The following TRAPPC9 variants were observed in gnomAD, a reference collection of about 807,000 sequenced individuals.
TRAPPC9 encodes IKK2 binding protein.
In TRAPPC9, 83 loss-of-function variants were observed where a neutral mutation model predicts 124.0. The ratio of observed to expected loss-of-function variants is 0.67; its 90% confidence interval spans 0.56 to 0.80. TRAPPC9 has a LOEUF of 0.80. Among genes scored for constraint, TRAPPC9 ranks in the 30% least tolerant of loss-of-function variants. The probability of loss-of-function intolerance (pLI) is 0.00; values close to 1 mark genes in which losing one functional copy is unlikely to be tolerated. For synonymous variants in TRAPPC9, 638 were observed against 617.5 expected (o/e 1.03, Z -0.49); for missense variants, 1,302 against 1,508.3 (o/e 0.86, Z 2.27).
chr8:139,942,227 C>T (rs755614947), intron 19 of TRAPPC9, among the ~76,000 whole-genome samples: 34 of 152,314 alleles, frequency 2.2e-4, no homozygotes, highest in African/African-American at 3.6e-4. Flanking sequence ...ATGACATCTC[C>T]GCCTGCTGAG....
rs1317104952 is a variant in TRAPPC9, at chr8:140,252,267, C to G, written c.2431+510G>C. ...TCTGAAAGTCCTGGCCTCAGGTGAT[C>G]CGCCCGCCCTGGCCTCCCAGAGTGC... On this transcript the variant is annotated intron_variant, in intron 16 of 22. Coordinates refer to ENST00000438773, the MANE Select transcript of TRAPPC9 (RefSeq NM_001160372.4). This position sits in a 1 kb window ranked among gnomAD's most constrained non-coding sequence, Gnocchi z 4.2. Among the ~76,000 whole-genome samples, 2 of 152,132 alleles carry G rather than the reference C, an allele frequency of 1.3e-5. No homozygotes were observed. The highest frequency in any genetic ancestry group is 4.8e-5 in the African/African-American group (2 of 41,438).
chr8:139,992,561 C>A (rs192017924), intron 18 of TRAPPC9, among the ~76,000 whole-genome samples: 1 of 151,444 alleles, frequency 6.6e-6, no homozygotes, highest in East Asian at 1.9e-4. Context: ...TTCCAAATTT[C>A]TATAAACTCA....
At chr8:139,739,210 G>C (rs918739555) in intron 21 of TRAPPC9, among the ~76,000 whole-genome samples, 1 of 152,048 alleles carries the variant, frequency 6.6e-6, no homozygotes, top group Non-Finnish European at 1.5e-5. Context: ...AGCAGCTCAA[G>C]CTGGGTCCTC....
intron 16 of TRAPPC9, among the ~76,000 whole-genome samples, chr8:140,234,201 G>A (rs1450403372): frequency 6.6e-6 from 1 of 152,106 alleles, no homozygotes; most frequent in Non-Finnish European, 1.5e-5. Context: ...ACACACGCGA[G>A]GCATCTAGGT....
chr8:140,120,960 T>C (rs1213962186), intron 17 of TRAPPC9, among the ~76,000 whole-genome samples: 2 of 152,248 alleles, frequency 1.3e-5, no homozygotes, highest in Non-Finnish European at 2.9e-5. Flanking sequence ...CAACCATCCA[T>C]CCACCCTTTC....
chr8:140,124,708 G>T (rs2061051870), intron 17 of TRAPPC9, among the ~76,000 whole-genome samples: 1 of 152,172 alleles, frequency 6.6e-6, no homozygotes, highest in South Asian at 2.1e-4. Flanking sequence ...CCTCGCGGGG[G>T]AGGACCCTCC....
intron 21 of TRAPPC9, among the ~76,000 whole-genome samples, chr8:139,797,245 A>G (rs1823163736): frequency 6.6e-6 from 1 of 152,036 alleles, no homozygotes; most frequent in African/African-American, 2.4e-5. Flanking sequence ...ACATGTTTTT[A>G]ATTTTGATGA....
At chr8:139,739,038 A>G (rs1818387228) in intron 21 of TRAPPC9, among the ~76,000 whole-genome samples, 1 of 152,098 alleles carries the variant, frequency 6.6e-6, no homozygotes, top group Non-Finnish European at 1.5e-5. Context: ...AGATCACATC[A>G]TTCATTTATC....
intron 17 of TRAPPC9, among the ~76,000 whole-genome samples, chr8:140,090,066 G>A (rs530634143): frequency 5.3e-5 from 8 of 151,900 alleles, no homozygotes; most frequent in South Asian, 2.1e-4. Flanking sequence ...GCGACAGAGC[G>A]AGACTCTGTC....
intron 9 of TRAPPC9, among the ~76,000 whole-genome samples, chr8:140,330,471 T>C (rs2066867712): frequency 6.6e-6 from 1 of 152,214 alleles, no homozygotes; most frequent in Non-Finnish European, 1.5e-5. Flanking sequence ...TAATTTTTCA[T>C]ATTTGCTAGT....
intron 17 of TRAPPC9, among the ~76,000 whole-genome samples, chr8:140,174,253 G>T (rs1426953091): frequency 6.6e-6 from 1 of 152,086 alleles, no homozygotes; most frequent in Non-Finnish European, 1.5e-5. Flanking sequence ...GAGAGAAGCA[G>T]GAAATATGAC....
chr8:139,786,587 T>C (rs931910312), intron 21 of TRAPPC9, among the ~76,000 whole-genome samples: 4 of 152,122 alleles, frequency 2.6e-5, no homozygotes, highest in Admixed American at 2.6e-4. Flanking sequence ...AAAGCACACG[T>C]CCACACAAAG....
chr8:139,800,428 A>T (rs1823408275), intron 21 of TRAPPC9, among the ~76,000 whole-genome samples: 1 of 152,238 alleles, frequency 6.6e-6, no homozygotes, highest in South Asian at 2.1e-4. Flanking sequence ...GGCCAAGAGC[A>T]GGGTTTCTGG....
intron 19 of TRAPPC9, among the ~76,000 whole-genome samples, chr8:139,943,096 T>C (rs1834010735): frequency 1.3e-5 from 2 of 152,212 alleles, no homozygotes; most frequent in Admixed American, 1.3e-4. Flanking sequence ...AGACAGAGTC[T>C]CATTCTGCCA....
At position 139,746,293 on chromosome 8, in the gene TRAPPC9, C is replaced by A. The variant is rs148247276; in HGVS notation, c.3056-14091G>T. ...TTCCTCCTGGGCACAGACTGCAGCC[C>A]CTCTCCAAGGGAGTGAGTTGGAAAC... is the stretch of plus-strand genomic sequence containing the variant. On this transcript the variant is annotated intron_variant, in intron 21 of 22. Transcript: ENST00000438773. Among the ~76,000 whole-genome samples the A allele has an allele frequency of 3.7e-3, 560 of 152,290 alleles. 9 individuals carry two copies. The highest frequency in any genetic ancestry group is 0.012 in the African/African-American group (500 of 41,558).
At chr8:139,973,309 C>T (rs984082047) in intron 19 of TRAPPC9, among the ~76,000 whole-genome samples, 2 of 152,306 alleles carry the variant, frequency 1.3e-5, no homozygotes, top group East Asian at 1.9e-4. Flanking sequence ...CACGGGCCAG[C>T]GCCCCTGGAC....
chr8:139,748,809 C>T (rs1819128832), intron 21 of TRAPPC9, among the ~76,000 whole-genome samples: 1 of 152,096 alleles, frequency 6.6e-6, no homozygotes, highest in Admixed American at 6.5e-5. Context: ...CAGGGGGCCG[C>T]CTCCACTAAC....
At chr8:140,286,217 TA>T (rs975536363) in intron 13 of TRAPPC9, among the ~76,000 whole-genome samples, 1 of 152,012 alleles carries the variant, frequency 6.6e-6, no homozygotes, top group Admixed American at 6.5e-5. Flanking sequence ...CTGCCAGAAC[TA>T]AAGAGTCTTC....
At position 140,216,438 on chromosome 8, in the gene TRAPPC9, G is replaced by C. The variant is rs1425002321; in HGVS notation, c.2556+5021C>G. 3.3e-5 allele frequency among the ~76,000 whole-genome samples: 5 copies of C among 152,180 alleles called. No individual in the cohort carries two copies. Among genetic ancestry groups the C allele is most frequent in the Admixed American group, 2.6e-4 (4 of 15,270 alleles). On this transcript the variant is annotated intron_variant, in intron 17 of 22. Transcript: ENST00000438773. The surrounding 1 kb of genome is among the most constrained non-coding windows in gnomAD (Gnocchi z 4.1). ...AAGAGCATCTCCTAGATTTTGAAATGTTACCCTAAACTGTAAGAGCCTATC... is the reference window on the plus strand; with the variant it reads ...AAGAGCATCTCCTAGATTTTGAAATCTTACCCTAAACTGTAAGAGCCTATC...
Sources: gnomAD v4.1 joint callset for allele counts (sites outside exome capture counted in the v4.1 genomes callset) on GRCh38, gnomAD v4.1.1 for gene constraint, Gnocchi (gnomAD v3.1) non-coding constraint, MANE v1.5 for transcripts, NCBI Gene and HGNC (gene_info 2026-07-23, HGNC 2026-07-21) for gene names.